Variants in ANKRD36C observed in about 807,000 individuals in gnomAD.
The protein encoded by ANKRD36C is ankyrin repeat domain-containing protein 36C.
In ANKRD36C, 61 loss-of-function variants were observed where a neutral mutation model predicts 276.4. The ratio of observed to expected loss-of-function variants is 0.22; its 90% confidence interval spans 0.18 to 0.27. The LOEUF (loss-of-function observed/expected upper bound fraction) is 0.27. ANKRD36C is among the 10% of genes least tolerant of loss of function. The pLI is 1.00. For synonymous variants in ANKRD36C, 483 were observed against 680.1 expected (o/e 0.71, Z 4.51); for missense variants, 1,447 against 2,032.3 (o/e 0.71, Z 5.54).
intron 20 of ANKRD36C, 114 bp downstream of exon 20, chr2:95,941,046 T>C (rs1677872763): frequency 1.3e-6 from 1 of 770,306 alleles, no homozygotes; most frequent in African/African-American, 1.8e-5. Flanking sequence ...TATTAAAGCA[T>C]AGAAAATTAT....
rs534055724 is a variant in ANKRD36C, at chr2:95,959,461, T to C, written c.1004-676A>G. ...ATCCACTCATGGCAAGAAGGTATAA[T>C]ATATAAACCTCATCAAAAAGTATAA... On this transcript the variant is annotated intron_variant, in intron 10 of 66. Coordinates refer to ENST00000456556, the Ensembl canonical transcript of ANKRD36C. Among the ~76,000 whole-genome samples, 3 of 152,370 alleles carry C rather than the reference T, an allele frequency of 2.0e-5. No homozygotes were observed. In the East Asian group the frequency reaches 5.8e-4, roughly 29 times the overall value.
At chr2:95,856,842 C>T (rs1224752800) in intron 62 of ANKRD36C, among the ~76,000 whole-genome samples, 1 of 152,092 alleles carries the variant, frequency 6.6e-6, no homozygotes, top group Non-Finnish European at 1.5e-5. Context: ...TCCTAGTGCT[C>T]TTCCATCAAA....
intron 3 of ANKRD36C, among the ~76,000 whole-genome samples, chr2:95,984,720 T>C (rs897503007): frequency 6.6e-6 from 1 of 152,148 alleles, no homozygotes; most frequent in Non-Finnish European, 1.5e-5. Context: ...AAATGGATAA[T>C]TAGTTCATAG....
At chr2:95,893,918 A>G (rs1168149408) in intron 44 of ANKRD36C, among the ~76,000 whole-genome samples, 194 bp from the exon 63 acceptor site, 6 of 151,486 alleles carry the variant, frequency 4.0e-5, no homozygotes, top group African/African-American at 1.5e-4. Context: ...TCCATGAAAT[A>G]TACCCTTGCA....
chr2:95,960,372 G>C (rs1678427334), intron 10 of ANKRD36C, 101 bp downstream of exon 10: 1 of 1,398,312 alleles, frequency 7.2e-7, no homozygotes, highest in Admixed American at 2.1e-5. Context: ...CGCTGAATCA[G>C]AATGTGCAGC....
At chr2:95,942,505 A>T (rs1677922259) in intron 19 of ANKRD36C, among the ~76,000 whole-genome samples, 1 of 152,312 alleles carries the variant, frequency 6.6e-6, no homozygotes, top group South Asian at 2.1e-4. Flanking sequence ...TTATTCTATT[A>T]TAGAATTATA....
Position 95,916,081 on chromosome 2 carries a change from A to G in ANKRD36C, c.2377-29T>C, listed in dbSNP as rs767286502. 1.2e-5 allele frequency: 19 copies of G among 1,600,230 alleles called. No homozygotes were observed. In the African/African-American group the frequency reaches 1.7e-4, roughly 15 times the overall value. ...AATGGAATTTGAAACAAAATAATAA[A>G]TAAGGTATGTTTCATAGGCTATACG... On this transcript the variant is annotated intron_variant, in intron 37 of 66. Coordinates refer to ENST00000456556, the Ensembl canonical transcript of ANKRD36C.
rs186263585 is a variant in ANKRD36C at position 95,922,701 on chromosome 2, T to C, written c.2143+794A>G. ...GAGGATCATACTATTCTCTAAATAA[T>C]ATTCATTAAATAGTTATTTTATCCG... On this transcript the variant is annotated intron_variant, in intron 32 of 66. Transcript: ENST00000456556. Among the ~76,000 whole-genome samples, 902 of 151,832 alleles carry C rather than the reference T, an allele frequency of 5.9e-3. 6 individuals are homozygous for C. The highest frequency in any genetic ancestry group is 8.9e-3 in the Admixed American group (136 of 15,228).
chr2:95,858,036 C>T (rs1391142965), intron 61 of ANKRD36C, among the ~76,000 whole-genome samples: 2 of 151,986 alleles, frequency 1.3e-5, no homozygotes, highest in Admixed American at 6.6e-5. Flanking sequence ...TTAAATTTAC[C>T]TACAGCCTGG....
intron 6 of ANKRD36C, among the ~76,000 whole-genome samples, chr2:95,971,692 T>C (rs1412705233): frequency 6.6e-6 from 1 of 151,532 alleles, no homozygotes; most frequent in East Asian, 1.9e-4. Flanking sequence ...AAATGATTGA[T>C]TTTTTTAATT....
chr2:95,966,375 T>C (rs1225249406), intron 6 of ANKRD36C, among the ~76,000 whole-genome samples: 2 of 152,202 alleles, frequency 1.3e-5, no homozygotes, highest in Non-Finnish European at 2.9e-5. Context: ...CAGTTTCAGT[T>C]TCCTGCACAA....
intron 36 of ANKRD36C, among the ~76,000 whole-genome samples, chr2:95,916,826 G>A (rs1029262881): frequency 9.2e-5 from 14 of 151,480 alleles, no homozygotes; most frequent in Admixed American, 3.3e-4. Flanking sequence ...TCATCTAGTC[G>A]TGGCACCAAA....
chr2:95,895,831 C>A (rs891671874), intron 44 of ANKRD36C, among the ~76,000 whole-genome samples: 1 of 150,752 alleles, frequency 6.6e-6, no homozygotes, highest in African/African-American at 2.4e-5. Context: ...GTGTCGAAAC[C>A]CAAAATAAAA....
chr2:95,908,601 A>C, intron 42 of ANKRD36C, 27 bp from the exon 48 acceptor site: 1 of 1,564,546 alleles, frequency 6.4e-7, no homozygotes, highest in Non-Finnish European at 8.7e-7. Flanking sequence ...ATGCAATAAT[A>C]AATTAATAAA....
At chr2:95,957,970 C>A (rs1186462892) in intron 12 of ANKRD36C, among the ~76,000 whole-genome samples, 1 of 152,184 alleles carries the variant, frequency 6.6e-6, no homozygotes, top group Non-Finnish European at 1.5e-5. Flanking sequence ...AATTCTAGCA[C>A]TCTATCCTGC....
intron 44 of ANKRD36C, among the ~76,000 whole-genome samples, 153 bp from the exon 63 acceptor site, chr2:95,893,877 C>A (rs539558884): frequency 1.7e-4 from 25 of 151,502 alleles, no homozygotes; most frequent in Non-Finnish European, 2.4e-4. Flanking sequence ...TAGAACATGA[C>A]AGAAATACAC....
At chr2:95,959,245 A>C (rs369807316) in intron 10 of ANKRD36C, among the ~76,000 whole-genome samples, 2,811 of 151,860 alleles carry the variant, frequency 0.019, 52 homozygotes, top group Middle Eastern at 0.037. Flanking sequence ...TGAGCAGGTA[A>C]ACAAGGACAA....
Position 95,884,336 on chromosome 2 carries a change from T to C in ANKRD36C, c.3192+4A>G, listed in dbSNP as rs527753273. ...GTTCACAATATAAATAAGAGTTTAA[T>C]TACCTTCAAGGCTGGTTGTCTCTGA... is the stretch of plus-strand genomic sequence containing the variant. On this transcript the variant is annotated splice_donor_region_variant and intron_variant, in intron 53 of 66. Transcript: ENST00000456556. 200 of 1,610,890 alleles carry C rather than the reference T, an allele frequency of 1.2e-4. No homozygotes were observed. The African/African-American group carries it at 2.2e-3, about 17-fold the overall frequency.
At position 95,852,206 on chromosome 2, in the gene ANKRD36C, A is replaced by G. The variant is rs1171763989; in HGVS notation, c.5149-10T>C. The G allele has an allele frequency of 6.3e-7, 1 of 1,598,634 alleles. No individual in the cohort carries two copies. The highest frequency in any genetic ancestry group is 1.1e-5 in the South Asian group (1 of 90,034). On this transcript the variant is annotated splice_polypyrimidine_tract_variant and intron_variant, in intron 64 of 66. Coordinates refer to ENST00000456556, the Ensembl canonical transcript of ANKRD36C. ...CCTGTATTTCTTGAAACTAAAACAA[A>G]GAATTTTAAAAAATTACATTTGGAA...
Sources: allele counts gnomAD v4.1 joint callset (sites outside exome capture counted in the v4.1 genomes callset), GRCh38; gene constraint gnomAD v4.1.1; transcripts MANE v1.5; gene names NCBI Gene and HGNC (gene_info 2026-07-23, HGNC 2026-07-21).